Variants in C10orf143 observed in about 807,000 individuals in gnomAD.
C10orf143 encodes the protein chromosome 10 open reading frame 143, also known as uncharacterized protein C10orf143.
Position 130,064,244 on chromosome 10 carries a change from G to C in C10orf143, c.*110C>G, listed in dbSNP as rs1860893367. Reference sequence around the variant, plus strand: ...CCCCACCCACAGAGGACACCGGGCTGCTATTTGAACAGGTAAGTCCCCAAA... The same window carrying C: ...CCCCACCCACAGAGGACACCGGGCTCCTATTTGAACAGGTAAGTCCCCAAA... On this transcript the variant is annotated 3_prime_UTR_variant, in exon 4 of 4. Coordinates refer to ENST00000637128, the MANE Select transcript of C10orf143 (RefSeq NM_001355042.2). The C allele has an allele frequency of 7.6e-6, 3 of 395,952 alleles. No individual in the cohort carries two copies. The Admixed American group carries it at 1.3e-4, about 17-fold the overall frequency. 24.5% of individuals were successfully genotyped at this position (395,952 alleles called of 1,614,324 possible).
intron 1 of C10orf143, chr10:130,106,736 G>C: frequency 3.2e-6 from 4 of 1,254,442 alleles, no homozygotes; most frequent in Non-Finnish European, 4.7e-6. Flanking sequence ...AGAAGCTGAA[G>C]TATGGAACGA....
intron 3 of C10orf143, among the ~76,000 whole-genome samples, chr10:130,070,742 A>G (rs990169085): frequency 1.3e-5 from 2 of 152,158 alleles, no homozygotes; most frequent in African/African-American, 4.8e-5. Flanking sequence ...AGATAGTATC[A>G]TTCTACGTAG....
At chr10:130,088,462 A>G (rs890595848) in intron 1 of C10orf143, among the ~76,000 whole-genome samples, 1 of 152,204 alleles carries the variant, frequency 6.6e-6, no homozygotes, top group African/African-American at 2.4e-5. Context: ...TCCACAAGAA[A>G]ATATATTTTA....
chr10:130,110,816 A>C lies in C10orf143; in HGVS notation c.-44T>G, dbSNP rs1814131316. ...CCTCCCGGCATCTCAGGCCTGGCCG[A>C]GGCCCGCGCACCACGCCCCCTTCCG... On this transcript the variant is annotated 5_prime_UTR_variant, in exon 1 of 4. Coordinates refer to ENST00000637128, the MANE Select transcript of C10orf143 (RefSeq NM_001355042.2). The C allele has an allele frequency of 2.5e-6, 1 of 398,736 alleles. No homozygotes were observed. The allele number at this position is 398,736 out of a possible 1,614,324, so 24.7% of individuals were successfully genotyped here.
chr10:130,101,861 A>C (rs1861558714), intron 1 of C10orf143, among the ~76,000 whole-genome samples: 1 of 38,852 alleles, frequency 2.6e-5, no homozygotes. Context: ...AAAAAAAAAA[A>C]AACCAAAAAA....
intron 3 of C10orf143, among the ~76,000 whole-genome samples, chr10:130,048,268 T>C (rs1212985535): frequency 6.6e-6 from 1 of 152,172 alleles, no homozygotes; most frequent in Non-Finnish European, 1.5e-5. Flanking sequence ...AGGGGAAAGA[T>C]GACCTGGCTG....
chr10:130,047,324 C>G (rs183625903), intron 3 of C10orf143, among the ~76,000 whole-genome samples: 16 of 152,202 alleles, frequency 1.1e-4, no homozygotes, highest in Non-Finnish European at 1.8e-4. Flanking sequence ...CTATTTTGTT[C>G]CTGTTGTTAT....
At chr10:130,096,867 C>T (rs1027003410) in intron 1 of C10orf143, among the ~76,000 whole-genome samples, 7 of 142,506 alleles carry the variant, frequency 4.9e-5, no homozygotes, top group South Asian at 2.2e-4. Flanking sequence ...AAAAAGAAAA[C>T]GAAAAGACAA....
At chr10:130,043,190 A>G (rs1860627392) in intron 3 of C10orf143, among the ~76,000 whole-genome samples, 1 of 152,242 alleles carries the variant, frequency 6.6e-6, no homozygotes, top group South Asian at 2.1e-4. Flanking sequence ...GTAAGTCTCA[A>G]GGTTACCGCA....
At chr10:130,075,002 A>C (rs1368828470) in intron 3 of C10orf143, among the ~76,000 whole-genome samples, 1 of 152,078 alleles carries the variant, frequency 6.6e-6, no homozygotes, top group African/African-American at 2.4e-5. Flanking sequence ...CCACACACAC[A>C]AATGTTGTCA....
chr10:130,096,862 G>C (rs995978486), intron 1 of C10orf143, among the ~76,000 whole-genome samples: 1 of 129,240 alleles, frequency 7.7e-6, no homozygotes, highest in Admixed American at 7.8e-5. Context: ...AAAAAAAAAA[G>C]AAAACGAAAA....
intron 4 of C10orf143, among the ~76,000 whole-genome samples, chr10:130,035,431 G>A (rs986957918): frequency 9.9e-5 from 15 of 152,136 alleles, no homozygotes; most frequent in East Asian, 1.9e-4. Context: ...TTAGGATATC[G>A]ATACATGAAT....
intron 1 of C10orf143, among the ~76,000 whole-genome samples, chr10:130,090,680 C>A (rs1349915809): frequency 6.6e-6 from 1 of 152,148 alleles, no homozygotes; most frequent in Admixed American, 6.5e-5. Flanking sequence ...ATTCTCACTG[C>A]CAGCACAGCA....
rs1334180296 is a variant in C10orf143 at position 130,099,844 on chromosome 10, AT to A, written c.69+10859del. 5.5e-3 allele frequency among the ~76,000 whole-genome samples: 525 copies of A among 94,768 alleles called. 2 individuals carry two copies. Among genetic ancestry groups the A allele is most frequent in the African/African-American group, 0.016 (379 of 23,734 alleles). 62.2% of individuals were successfully genotyped at this position (94,768 alleles called of 152,430 possible). ...CCTAAATTTTTTTTATTTTTTCTTT[AT>A]TTTTTTTTTTTTAAGATGGACTCTC... On this transcript the variant is annotated intron_variant, in intron 1 of 3. Coordinates refer to ENST00000637128, the MANE Select transcript of C10orf143 (RefSeq NM_001355042.2).
At chr10:130,088,447 A>G (rs1861328389) in intron 1 of C10orf143, among the ~76,000 whole-genome samples, 1 of 152,234 alleles carries the variant, frequency 6.6e-6, no homozygotes. Context: ...AATGCAATTA[A>G]TAAGTCCACA....
intron 1 of C10orf143, among the ~76,000 whole-genome samples, chr10:130,089,515 T>C (rs1367673761): frequency 6.6e-6 from 1 of 152,172 alleles, no homozygotes; most frequent in Non-Finnish European, 1.5e-5. Context: ...AGTCTGGTGA[T>C]ATGAAATGAC....
chr10:130,077,400 A>C (rs1861136258), intron 3 of C10orf143, among the ~76,000 whole-genome samples: 1 of 152,192 alleles, frequency 6.6e-6, no homozygotes, highest in Non-Finnish European at 1.5e-5. Context: ...TACACTAGAG[A>C]ATTCAGGATG....
intron 3 of C10orf143, chr10:130,036,019 G>A (rs1860541112): frequency 6.6e-6 from 1 of 152,156 alleles, no homozygotes; most frequent in African/African-American, 2.4e-5. Flanking sequence ...CTTCTTATAA[G>A]GACACAAATT....
Position 130,084,859 on chromosome 10 carries a change from G to A in C10orf143, c.70-4958C>T, listed in dbSNP as rs370935262. Among the ~76,000 whole-genome samples the A allele has an allele frequency of 3.9e-5, 6 of 152,144 alleles. No individual in the cohort carries two copies. The East Asian group carries it at 9.6e-4, about 24-fold the overall frequency. On this transcript the variant is annotated intron_variant, in intron 1 of 3. Coordinates refer to ENST00000637128, the MANE Select transcript of C10orf143 (RefSeq NM_001355042.2). Reference sequence around the variant, plus strand: ...CAAGATGAGCCTCAAACACTTCATAGGCCAAAAACTTAGAAAGTTCTTGTA... The same window carrying A: ...CAAGATGAGCCTCAAACACTTCATAAGCCAAAAACTTAGAAAGTTCTTGTA...
Sources: allele counts gnomAD v4.1 joint callset (sites outside exome capture counted in the v4.1 genomes callset), GRCh38; gene constraint gnomAD v4.1.1; transcripts MANE v1.5; gene names NCBI Gene and HGNC (gene_info 2026-07-23, HGNC 2026-07-21).